Variants in NCAM1 observed in about 807,000 individuals in gnomAD.
NCAM1 encodes antigen recognized by monoclonal antibody 5.1H11.
A neutral mutation model predicts 109.8 loss-of-function variants in NCAM1; 14 were observed. That is an observed-to-expected ratio of 0.13 (90% CI 0.08 to 0.20). The LOEUF is 0.20. Among genes scored for constraint, NCAM1 ranks in the 10% least tolerant of loss-of-function variants. NCAM1 has a pLI of 1.00. For missense variants in NCAM1, 774 were observed against 1,109.9 expected, an observed-to-expected ratio of 0.70 and a Z score of 4.30; for synonymous variants, 418 against 442.9, an observed-to-expected ratio of 0.94 and a Z score of 0.70.
At chr11:113,269,106 A>T (rs1478846011) in intron 17 of NCAM1, among the ~76,000 whole-genome samples, 1 of 152,172 alleles carries the variant, frequency 6.6e-6, no homozygotes, top group Non-Finnish European at 1.5e-5. Context: ...TGCTTCCTGC[A>T]TCATGACCAC....
intron 1 of NCAM1, among the ~76,000 whole-genome samples, chr11:113,015,398 T>C (rs186770162): frequency 1.8e-3 from 276 of 152,332 alleles, no homozygotes; most frequent in South Asian, 8.3e-3. Context: ...ACAAAATAGT[T>C]TGGGTGTAAC....
chr11:113,205,516 C>T lies in NCAM1; in HGVS notation c.347-7C>T, dbSNP rs2136929491. Reference sequence around the variant, plus strand: ...TGTTTTCCCTCACTCTTCTGTTCATCTTCCAGAGAAGCTCATGTTCAAGAA... The same window carrying T: ...TGTTTTCCCTCACTCTTCTGTTCATTTTCCAGAGAAGCTCATGTTCAAGAA... On this transcript the variant is annotated splice_polypyrimidine_tract_variant and splice_region_variant and intron_variant, in intron 3 of 19. Coordinates refer to ENST00000316851, the MANE Select transcript of NCAM1 (RefSeq NM_181351.5). The T allele has an allele frequency of 2.5e-6, 4 of 1,609,090 alleles. No individual in the cohort carries two copies. The highest frequency in any genetic ancestry group is 1.1e-5 in the South Asian group (1 of 90,014).
intron 17 of NCAM1, chr11:113,264,847 T>A (rs1471351736): frequency 2.0e-6 from 2 of 985,266 alleles, no homozygotes; most frequent in African/African-American, 3.5e-5. Flanking sequence ...AGTGCGCTCC[T>A]CAGGAGGCAG....
intron 1 of NCAM1, among the ~76,000 whole-genome samples, chr11:113,108,750 T>A (rs1940286487): frequency 6.6e-6 from 1 of 151,484 alleles, no homozygotes; most frequent in East Asian, 2.0e-4. Context: ...TGCTATGAAG[T>A]ATATGATACA....
intron 1 of NCAM1, among the ~76,000 whole-genome samples, chr11:112,995,252 G>T (rs1555071243): frequency 6.6e-6 from 1 of 152,138 alleles, no homozygotes; most frequent in Non-Finnish European, 1.5e-5. Context: ...ATTTATGGTG[G>T]ATTTGATACA....
At chr11:112,970,436 A>G (rs1338822672) in intron 1 of NCAM1, among the ~76,000 whole-genome samples, 2 of 152,198 alleles carry the variant, frequency 1.3e-5, no homozygotes, top group Admixed American at 1.3e-4. Flanking sequence ...AGATGATACT[A>G]GGAGAAGGGA....
rs1946413222 is a variant in NCAM1 at position 113,277,176 on chromosome 11, A to C, written c.*1789A>C. 2.5e-6 allele frequency: 1 copy of C among 397,048 alleles called. No homozygotes were observed. The highest frequency in any genetic ancestry group is 4.4e-6 in the Non-Finnish European group (1 of 225,346). 24.6% of individuals were successfully genotyped at this position (397,048 alleles called of 1,614,324 possible). ...GCGCTCCTCTCCTAAGGTACAAAGC[A>C]GCAAGAGGTTAGGGTGGCAAGGCTG... is the stretch of plus-strand genomic sequence containing the variant. On this transcript the variant is annotated 3_prime_UTR_variant, in exon 20 of 20. Transcript: ENST00000316851.
intron 1 of NCAM1, among the ~76,000 whole-genome samples, chr11:113,121,625 A>G (rs1940966068): frequency 6.6e-6 from 1 of 151,292 alleles, no homozygotes; most frequent in Admixed American, 6.6e-5. Context: ...AGGAGACAGG[A>G]GTAGAATTTA....
chr11:113,188,889 C>T (rs1943593392), intron 1 of NCAM1, among the ~76,000 whole-genome samples: 1 of 151,962 alleles, frequency 6.6e-6, no homozygotes, highest in Admixed American at 6.6e-5. Context: ...CCCATTGTCC[C>T]ACTCACATCT....
intron 1 of NCAM1, among the ~76,000 whole-genome samples, chr11:113,074,216 T>C (rs1555085735): frequency 6.6e-6 from 1 of 152,190 alleles, no homozygotes. Context: ...CGTGGAGCAA[T>C]TGAAGAAGAA....
rs375199115 is a variant in NCAM1 at position 113,232,264 on chromosome 11, G to A, written c.1335G>A (p.Thr445=). ...TCEVFAYPSA[T]ISWFRDGQLL... ...AGGTATTTGCCTATCCCAGTGCCAC[G>A]ATCTCATGGTTTCGGGATGGCCAGC... The change falls in exon 11 of 20, where the codon ACG becomes ACA. Residue 445 remains threonine (T), a synonymous_variant. Transcript: ENST00000316851. The A allele has an allele frequency of 1.7e-5, 27 of 1,613,828 alleles. No homozygotes were observed. Among genetic ancestry groups the A allele is most frequent in the East Asian group, 4.5e-5 (2 of 44,894 alleles).
intron 1 of NCAM1, among the ~76,000 whole-genome samples, chr11:113,155,085 G>A (rs112263065): frequency 2.0e-5 from 3 of 152,284 alleles, no homozygotes; most frequent in African/African-American, 7.2e-5. Context: ...AGATGCACCC[G>A]AGGAGATCCC....
rs376721251 is a variant in NCAM1, at chr11:113,275,338, C to T, written c.2528C>T (p.Thr843Met). ...ETKPAPAEVK[T>M]VPNDATQTKE... Reference sequence around the variant, plus strand: ...AAGCCAGCGCCAGCCGAAGTCAAGACGGTCCCCAATGACGCCACACAGACA... The same window carrying T: ...AAGCCAGCGCCAGCCGAAGTCAAGATGGTCCCCAATGACGCCACACAGACA... The change falls in exon 20 of 20, where the codon ACG becomes ATG. Residue 843 changes from threonine (T) to methionine (M), a missense_variant. By Grantham distance (81) the Thr-to-Met change is moderately conservative. Around this residue, in one of 4 missense-constraint regions of NCAM1, gnomAD observed 122 missense variants for 129.7 expected, o/e 0.94. Coordinates refer to ENST00000316851, the MANE Select transcript of NCAM1 (RefSeq NM_181351.5). 2.0e-5 allele frequency: 32 copies of T among 1,613,468 alleles called. No individual in the cohort carries two copies. Among genetic ancestry groups the T allele is most frequent in the Non-Finnish European group, 2.3e-5 (27 of 1,179,748 alleles).
At chr11:113,000,553 T>A (rs532812728) in intron 1 of NCAM1, among the ~76,000 whole-genome samples, 1 of 152,000 alleles carries the variant, frequency 6.6e-6, no homozygotes, top group African/African-American at 2.4e-5. Flanking sequence ...AATGAGATAA[T>A]TAAATATGGT....
intron 1 of NCAM1, among the ~76,000 whole-genome samples, chr11:113,037,650 G>T (rs538605597): frequency 6.6e-6 from 1 of 152,162 alleles, no homozygotes; most frequent in African/African-American, 2.4e-5. Flanking sequence ...ACAGCCTTAC[G>T]GTCAGTCACG....
intron 1 of NCAM1, among the ~76,000 whole-genome samples, chr11:113,111,934 A>T (rs1421296466): frequency 1.3e-5 from 2 of 152,230 alleles, no homozygotes; most frequent in Non-Finnish European, 2.9e-5. Flanking sequence ...GGATTTTCTC[A>T]TCGCAGATCT....
chr11:113,072,537 T>C (rs1377360731), intron 1 of NCAM1, among the ~76,000 whole-genome samples: 2 of 152,176 alleles, frequency 1.3e-5, no homozygotes, highest in African/African-American at 4.8e-5. Flanking sequence ...TTTTGTTGAA[T>C]TATGTCGTTT....
intron 17 of NCAM1, chr11:113,264,246 C>T: frequency 1.0e-6 from 1 of 984,862 alleles, no homozygotes. Context: ...GTATTTTTTT[C>T]TGTTGTTATT....
At chr11:113,129,963 A>G (rs1284313112) in intron 1 of NCAM1, among the ~76,000 whole-genome samples, 7 of 151,996 alleles carry the variant, frequency 4.6e-5, no homozygotes, top group African/African-American at 7.2e-5. Flanking sequence ...TTTTAATGTT[A>G]TTATCACGTT....
Sources: gnomAD v4.1 joint callset for allele counts (sites outside exome capture counted in the v4.1 genomes callset) on GRCh38, gnomAD v4.1.1 for gene constraint, gnomAD v4.1.1 regional missense constraint, MANE v1.5 for transcripts, NCBI Gene and HGNC (gene_info 2026-07-23, HGNC 2026-07-21) for gene names.